Variants in CDK5RAP2 observed in about 807,000 individuals in gnomAD.
CDK5RAP2 encodes CDK5 regulatory subunit-associated protein 2.
In CDK5RAP2, 147 loss-of-function variants were observed where a neutral mutation model predicts 232.9. That is an observed-to-expected ratio of 0.63 (90% CI 0.55 to 0.72). The LOEUF is 0.72. CDK5RAP2 is among the 30% of genes least tolerant of loss of function. The probability of loss-of-function intolerance (pLI) is 0.00; values close to 1 mark genes in which losing one functional copy is unlikely to be tolerated. For synonymous variants in CDK5RAP2, 833 were observed against 833.7 expected (o/e 1.00, Z 0.01); for missense variants, 2,195 against 2,231.5 (o/e 0.98, Z 0.33).
In CDK5RAP2 at chr9:120,539,264, C is replaced by G. The variant is rs957626999; in HGVS notation, c.384-100G>C. 2.8e-6 allele frequency: 4 copies of G among 1,440,344 alleles called. No individual in the cohort carries two copies. In the Admixed American group the frequency reaches 6.9e-5, roughly 25 times the overall value. The allele number at this position is 1,440,344 out of a possible 1,614,324, so 89.2% of individuals were successfully genotyped here. ...AGGAGTATTTGCTAGTCATTTCTCC[C>G]ACAGACCTGTGCTGAGCTTCTTTTT... is the stretch of plus-strand genomic sequence containing the variant. On this transcript the variant is annotated intron_variant, in intron 5 of 37. Coordinates refer to ENST00000349780, the MANE Select transcript of CDK5RAP2 (RefSeq NM_018249.6).
At chr9:120,527,143 G>A (rs10435887) in intron 10 of CDK5RAP2, among the ~76,000 whole-genome samples, 147,758 of 152,254 alleles carry the variant, frequency 0.97, 71,830 homozygotes, top group South Asian at 1. Context: ...GACACAATAG[G>A]TTGCCATAGT....
chr9:120,489,329 G>C (rs1427629543), intron 13 of CDK5RAP2, among the ~76,000 whole-genome samples: 1 of 152,208 alleles, frequency 6.6e-6, no homozygotes, highest in African/African-American at 2.4e-5. Flanking sequence ...TGGGGTATGG[G>C]TCTTTTCTCA....
intron 32 of CDK5RAP2, 123 bp from the exon 33 acceptor site, chr9:120,404,236 A>G (rs1182467527): frequency 6.9e-6 from 5 of 727,046 alleles, no homozygotes. Flanking sequence ...CATTCCTTCA[A>G]ATCTTCACTG....
intron 18 of CDK5RAP2, among the ~76,000 whole-genome samples, chr9:120,466,371 T>C (rs760527474): frequency 6.6e-6 from 1 of 152,150 alleles, no homozygotes; most frequent in African/African-American, 2.4e-5. Flanking sequence ...TCCCATCCCA[T>C]TCTGGGGGAT....
At chr9:120,538,934 G>T in intron 6 of CDK5RAP2, 107 bp downstream of exon 6, 1 of 1,203,300 alleles carries the variant, frequency 8.3e-7, no homozygotes, top group Non-Finnish European at 1.2e-6. Context: ...AAGGGTAGCT[G>T]TTGTTTCTGC....
At chr9:120,572,198 G>A (rs1458337329) in intron 1 of CDK5RAP2, among the ~76,000 whole-genome samples, 157 bp from the exon 2 acceptor site, 2 of 152,210 alleles carry the variant, frequency 1.3e-5, no homozygotes, top group Admixed American at 1.3e-4. Flanking sequence ...TAAGAACTCA[G>A]GCTTTGGGGC....
intron 23 of CDK5RAP2, chr9:120,440,484 C>T (rs2035837519): frequency 5.9e-6 from 1 of 168,390 alleles, no homozygotes. Context: ...CTAATGAACT[C>T]TTTCCATACC....
chr9:120,435,686 C>T (rs764586482), intron 25 of CDK5RAP2, among the ~76,000 whole-genome samples: 5 of 152,138 alleles, frequency 3.3e-5, no homozygotes, highest in East Asian at 3.9e-4. Context: ...AAAGTAAGGA[C>T]GTACTCCCAA....
intron 5 of CDK5RAP2, among the ~76,000 whole-genome samples, chr9:120,540,968 C>G (rs1026913357): frequency 9.9e-5 from 15 of 152,238 alleles, no homozygotes; most frequent in African/African-American, 4.8e-5. Flanking sequence ...AATGCCATCA[C>G]CCCCCACTCC....
At chr9:120,410,204 A>G in intron 29 of CDK5RAP2, among the ~76,000 whole-genome samples, 1 of 152,332 alleles carries the variant, frequency 6.6e-6, no homozygotes, top group African/African-American at 2.4e-5. Flanking sequence ...ATTCGGACTC[A>G]GTCTGATTCC....
chr9:120,494,322 T>A (rs1185860994), intron 12 of CDK5RAP2, among the ~76,000 whole-genome samples: 3 of 152,182 alleles, frequency 2.0e-5, no homozygotes, highest in African/African-American at 7.2e-5. Context: ...TTTCTAAATA[T>A]CATTTTCCAA....
intron 29 of CDK5RAP2, among the ~76,000 whole-genome samples, chr9:120,410,137 G>A (rs549054270): frequency 2.0e-5 from 3 of 152,232 alleles, no homozygotes; most frequent in South Asian, 4.1e-4. Context: ...ATTATTCTCC[G>A]TTTTCCAGAT....
chr9:120,514,586 GA>G (rs1031166062), intron 12 of CDK5RAP2, among the ~76,000 whole-genome samples: 5 of 152,206 alleles, frequency 3.3e-5, no homozygotes, highest in Non-Finnish European at 5.9e-5. Context: ...ATGGATGCAA[GA>G]AAAAGAAGCC....
intron 3 of CDK5RAP2, among the ~76,000 whole-genome samples, chr9:120,567,204 G>A (rs1011345035): frequency 3.9e-5 from 6 of 152,178 alleles, no homozygotes; most frequent in African/African-American, 1.2e-4. Context: ...AGCATAGATC[G>A]AGTTGTACAG....
intron 14 of CDK5RAP2, among the ~76,000 whole-genome samples, chr9:120,483,763 G>A (rs556185540): frequency 1.8e-4 from 27 of 152,286 alleles, no homozygotes; most frequent in South Asian, 1.0e-3. Context: ...CACCAAAGCC[G>A]GGCATTTTCT....
At chr9:120,518,340 T>TG in intron 12 of CDK5RAP2, 87 bp downstream of exon 12, 3 of 1,046,928 alleles carry the variant, frequency 2.9e-6, no homozygotes, top group Non-Finnish European at 4.5e-6. Context: ...TTAAGTCTTC[T>TG]GTACTGAATA....
At chr9:120,562,837 AC>A (rs2042510963) in intron 3 of CDK5RAP2, among the ~76,000 whole-genome samples, 1 of 151,990 alleles carries the variant, frequency 6.6e-6, no homozygotes, top group Non-Finnish European at 1.5e-5. Context: ...TTTACTCCTC[AC>A]CACAAGCCTC....
At chr9:120,472,557 G>C (rs2037773055) in intron 15 of CDK5RAP2, among the ~76,000 whole-genome samples, 1 of 152,160 alleles carries the variant, frequency 6.6e-6, no homozygotes, top group Admixed American at 6.5e-5. Context: ...TAAAGGAAGA[G>C]TGAGCCAACA....
intron 6 of CDK5RAP2, among the ~76,000 whole-genome samples, chr9:120,537,504 C>T (rs1449928542): frequency 6.6e-6 from 1 of 152,102 alleles, no homozygotes; most frequent in Non-Finnish European, 1.5e-5. Context: ...TACTAAATGC[C>T]AGGCTCTGAG....
Sources: gnomAD v4.1 joint callset for allele counts (sites outside exome capture counted in the v4.1 genomes callset) on GRCh38, gnomAD v4.1.1 for gene constraint, MANE v1.5 for transcripts, NCBI Gene and HGNC (gene_info 2026-07-23, HGNC 2026-07-21) for gene names.